The following CPEB1 variants were observed in gnomAD, a reference collection of about 807,000 sequenced individuals.
CPEB1 encodes the protein cytoplasmic polyadenylation element-binding protein 1.
CPEB1 carries 7 observed loss-of-function variants against 65.8 expected under a neutral mutation model. The observed-to-expected ratio is 0.11, with a 90% confidence interval of 0.06 to 0.20. CPEB1 has a LOEUF of 0.20. CPEB1 is among the 10% of genes least tolerant of loss of function. CPEB1 has a pLI of 1.00. For missense variants in CPEB1, 551 were observed against 712.2 expected (o/e 0.77, Z 2.58); for synonymous variants, 262 against 260.0 (o/e 1.01, Z -0.08).
chr15:82,627,744 G>A (rs117796531), intron 2 of CPEB1, among the ~76,000 whole-genome samples: 2,705 of 152,254 alleles, frequency 0.018, 30 homozygotes, highest in Non-Finnish European at 0.026. Context: ...AACACCAGCT[G>A]CCAGTCTTTT....
rs551280241 is a variant in CPEB1 at position 82,641,205 on chromosome 15, C to T, written c.-98+5932G>A. Among the ~76,000 whole-genome samples, 39 of 152,106 alleles carry T rather than the reference C, an allele frequency of 2.6e-4. 1 individual carries two copies. The South Asian group carries it at 8.1e-3, about 32-fold the overall frequency. On this transcript the variant is annotated intron_variant, in intron 1 of 12. Transcript: ENST00000684509. Reference sequence around the variant, plus strand: ...AGACAGGTCTCTAACACCTTTTGAGCTTCACAACAATTCCAAGATTACAGC... The same window carrying T: ...AGACAGGTCTCTAACACCTTTTGAGTTTCACAACAATTCCAAGATTACAGC...
chr15:82,558,929 C>A (rs1202409866), intron 4 of CPEB1, among the ~76,000 whole-genome samples: 1 of 149,588 alleles, frequency 6.7e-6, no homozygotes, highest in Non-Finnish European at 1.5e-5. Flanking sequence ...TGTGCTAAAT[C>A]TAGGAAAGAA....
At chr15:82,636,642 ACTG>A (rs1004127473) in intron 1 of CPEB1, among the ~76,000 whole-genome samples, 2 of 152,194 alleles carry the variant, frequency 1.3e-5, no homozygotes, top group African/African-American at 4.8e-5. Context: ...TACCTGTCAC[ACTG>A]CTAACTGTAT....
chr15:82,559,407 G>T (rs1340081182), intron 4 of CPEB1, among the ~76,000 whole-genome samples: 3 of 152,100 alleles, frequency 2.0e-5, no homozygotes, highest in African/African-American at 7.2e-5. Flanking sequence ...TTATTATTTT[G>T]TAGTAAAAAT....
chr15:82,622,659 T>C (rs1258542987), intron 3 of CPEB1, among the ~76,000 whole-genome samples: 1 of 152,218 alleles, frequency 6.6e-6, no homozygotes, highest in Non-Finnish European at 1.5e-5. Flanking sequence ...CCCAAAGTGC[T>C]GAGATTACTA....
At chr15:82,600,866 A>T (rs1043251891) in intron 3 of CPEB1, among the ~76,000 whole-genome samples, 2 of 150,704 alleles carry the variant, frequency 1.3e-5, no homozygotes, top group Non-Finnish European at 3.0e-5. Context: ...CTCTCATCAT[A>T]AACTACTTTT....
chr15:82,590,393 C>A (rs978440836), intron 3 of CPEB1, among the ~76,000 whole-genome samples: 1 of 152,046 alleles, frequency 6.6e-6, no homozygotes, highest in Non-Finnish European at 1.5e-5. Flanking sequence ...GCAATTGTTA[C>A]AATTTTAGAG....
chr15:82,624,955 A>G (rs2151307964), intron 3 of CPEB1, among the ~76,000 whole-genome samples: 1 of 151,694 alleles, frequency 6.6e-6, no homozygotes, highest in East Asian at 1.9e-4. Flanking sequence ...CTCCCACTTC[A>G]CCCTCCAAGT....
intron 3 of CPEB1, among the ~76,000 whole-genome samples, chr15:82,577,678 C>T (rs555377308): frequency 2.0e-5 from 3 of 152,178 alleles, no homozygotes; most frequent in East Asian, 3.9e-4. Flanking sequence ...CCATACCTGG[C>T]TAATTTTTTT....
At chr15:82,631,314 G>A (rs1291952838) in intron 1 of CPEB1, among the ~76,000 whole-genome samples, 1 of 151,986 alleles carries the variant, frequency 6.6e-6, no homozygotes, top group African/African-American at 2.4e-5. Context: ...TCAAGCCAGA[G>A]CTCTAGCTTA....
At chr15:82,592,181 G>A (rs1330126326) in intron 3 of CPEB1, among the ~76,000 whole-genome samples, 2 of 151,998 alleles carry the variant, frequency 1.3e-5, no homozygotes, top group African/African-American at 2.4e-5. Context: ...ACATTTTATT[G>A]AATGGATATA....
At chr15:82,592,211 G>A (rs886992299) in intron 3 of CPEB1, among the ~76,000 whole-genome samples, 1 of 152,076 alleles carries the variant, frequency 6.6e-6, no homozygotes, top group Non-Finnish European at 1.5e-5. Context: ...ATACCCTGGA[G>A]ACACTGCAGG....
At chr15:82,601,656 T>C (rs1318570890) in intron 3 of CPEB1, among the ~76,000 whole-genome samples, 1 of 152,138 alleles carries the variant, frequency 6.6e-6, no homozygotes, top group Non-Finnish European at 1.5e-5. Flanking sequence ...TGTCTTACAA[T>C]ATAAGGTCAC....
chr15:82,568,297 T>C (rs1276464688), intron 4 of CPEB1, among the ~76,000 whole-genome samples: 1 of 152,160 alleles, frequency 6.6e-6, no homozygotes, highest in African/African-American at 2.4e-5. Context: ...TCCAGGATAC[T>C]GAGGACAGTT....
At chr15:82,627,541 C>A (rs973808806) in intron 2 of CPEB1, among the ~76,000 whole-genome samples, 174 bp from the exon 3 acceptor site, 2 of 151,988 alleles carry the variant, frequency 1.3e-5, no homozygotes, top group African/African-American at 4.8e-5. Context: ...GAAAAAAATA[C>A]CAAAATATTC....
intron 3 of CPEB1, among the ~76,000 whole-genome samples, chr15:82,619,138 G>A (rs1262339943): frequency 6.6e-6 from 1 of 152,144 alleles, no homozygotes; most frequent in Non-Finnish European, 1.5e-5. Context: ...ATCCAGAAAC[G>A]GATCTGTACA....
intron 3 of CPEB1, among the ~76,000 whole-genome samples, chr15:82,622,952 T>G (rs545355849): frequency 4.3e-4 from 66 of 152,306 alleles, no homozygotes; most frequent in African/African-American, 1.4e-3. Context: ...AGGGTTGAGC[T>G]AATGTTTGTG....
At position 82,547,140 on chromosome 15, in the gene CPEB1, C is replaced by G. The variant is rs756083970; in HGVS notation, c.1575+3G>C. On this transcript the variant is annotated splice_donor_region_variant and intron_variant, in intron 11 of 12. Transcript: ENST00000684509. Reference sequence around the variant, plus strand: ...GAGTAAGGGCATAAACCAGCCAACTCACCTTCTTTGTGAACTTGGTGGTTT... The same window carrying G: ...GAGTAAGGGCATAAACCAGCCAACTGACCTTCTTTGTGAACTTGGTGGTTT... The G allele has an allele frequency of 9.9e-6, 16 of 1,608,438 alleles. No homozygotes were observed. Among genetic ancestry groups the G allele is most frequent in the Middle Eastern group, 1.6e-4 (1 of 6,064 alleles).
At chr15:82,553,679 G>T in intron 7 of CPEB1, 123 bp from the exon 8 acceptor site, 1 of 811,314 alleles carries the variant, frequency 1.2e-6, no homozygotes, top group South Asian at 1.5e-5. Flanking sequence ...ACTCAGAAAC[G>T]AATGCTGATC....
Sources: gnomAD v4.1 joint callset for allele counts (sites outside exome capture counted in the v4.1 genomes callset) on GRCh38, gnomAD v4.1.1 for gene constraint, MANE v1.5 for transcripts, NCBI Gene and HGNC (gene_info 2026-07-23, HGNC 2026-07-21) for gene names.